The following HPSE2 variants were observed in gnomAD, a reference collection of about 807,000 sequenced individuals.
HPSE2 encodes inactive heparanase-2.
Under a neutral mutation model 60.5 loss-of-function variants are expected in HPSE2, and 38 were observed. That is an observed-to-expected ratio of 0.63 (90% CI 0.48 to 0.82). HPSE2 has a LOEUF of 0.82. Among genes scored for constraint, HPSE2 ranks in the 40% least tolerant of loss-of-function variants. The pLI, the probability that HPSE2 is intolerant of heterozygous loss-of-function variation, is 0.00. For synonymous variants in HPSE2, 295 were observed against 293.2 expected, an observed-to-expected ratio of 1.01 and a Z score of -0.06; for missense variants, 713 against 740.4, an observed-to-expected ratio of 0.96 and a Z score of 0.43.
At chr10:99,003,228 C>G (rs1389433866) in intron 3 of HPSE2, among the ~76,000 whole-genome samples, 1 of 151,814 alleles carries the variant, frequency 6.6e-6, no homozygotes, top group African/African-American at 2.4e-5. Flanking sequence ...GTGTATATAC[C>G]ACATTTTCTT....
At chr10:98,811,027 A>G (rs1197557915) in intron 3 of HPSE2, among the ~76,000 whole-genome samples, 1 of 152,104 alleles carries the variant, frequency 6.6e-6, no homozygotes, top group East Asian at 1.9e-4. Context: ...ATTACTGTAT[A>G]ACCCAGCCTT....
At chr10:98,966,450 G>T (rs1955816897) in intron 3 of HPSE2, among the ~76,000 whole-genome samples, 1 of 152,156 alleles carries the variant, frequency 6.6e-6, no homozygotes, top group Admixed American at 6.5e-5. Flanking sequence ...TACTATCAAA[G>T]TGCCATATTT....
intron 3 of HPSE2, among the ~76,000 whole-genome samples, chr10:98,805,840 T>A (rs905989509): frequency 2.0e-5 from 3 of 152,162 alleles, no homozygotes; most frequent in African/African-American, 4.8e-5. Flanking sequence ...AAGTATAGTG[T>A]AATTTATTTT....
At chr10:99,144,697 C>CT (rs1845984845) in intron 2 of HPSE2, among the ~76,000 whole-genome samples, 1 of 152,146 alleles carries the variant, frequency 6.6e-6, no homozygotes, top group Non-Finnish European at 1.5e-5. Context: ...TGTTTACCTC[C>CT]TGGGGCCTTT....
intron 3 of HPSE2, among the ~76,000 whole-genome samples, chr10:99,026,886 G>C (rs1030269455): frequency 6.6e-6 from 1 of 151,970 alleles, no homozygotes; most frequent in East Asian, 1.9e-4. Context: ...GGTCAGTAAA[G>C]AAATTAAGAA....
At chr10:98,526,168 G>C (rs954398424) in intron 9 of HPSE2, among the ~76,000 whole-genome samples, 1 of 152,204 alleles carries the variant, frequency 6.6e-6, no homozygotes, top group African/African-American at 2.4e-5. Context: ...AAGGACCTGG[G>C]TGTGGGCGGA....
chr10:98,732,307 A>AC (rs1488672024), intron 4 of HPSE2, among the ~76,000 whole-genome samples: 2 of 152,178 alleles, frequency 1.3e-5, no homozygotes, highest in Admixed American at 6.5e-5. Flanking sequence ...GGAAATTCAA[A>AC]CACCCAGGAT....
intron 4 of HPSE2, among the ~76,000 whole-genome samples, chr10:98,723,692 G>A (rs1179741154): frequency 6.6e-6 from 1 of 152,122 alleles, no homozygotes; most frequent in African/African-American, 2.4e-5. Flanking sequence ...TTTAGTCTTG[G>A]CAGAGTGTAT....
At chr10:99,263,659 ACTC>A in the HPSE2 span, among the ~76,000 whole-genome samples, 1 of 150,954 alleles carries the variant, frequency 6.6e-6, no homozygotes, top group Non-Finnish European at 1.5e-5. Context: ...CTCATTGGTC[ACTC>A]CTATTTACTC....
At chr10:98,679,508 T>C (rs1947730873) in intron 6 of HPSE2, among the ~76,000 whole-genome samples, 1 of 152,120 alleles carries the variant, frequency 6.6e-6, no homozygotes, top group Admixed American at 6.5e-5. Flanking sequence ...TATATGTATA[T>C]ATGTTTTCAA....
At chr10:98,759,686 T>C (rs1949962086) in intron 3 of HPSE2, among the ~76,000 whole-genome samples, 1 of 152,104 alleles carries the variant, frequency 6.6e-6, no homozygotes. Flanking sequence ...TCTCTTTTTA[T>C]TAGCTTAGCT....
intron 6 of HPSE2, among the ~76,000 whole-genome samples, chr10:98,672,553 A>C (rs1947533672): frequency 6.6e-6 from 1 of 152,218 alleles, no homozygotes; most frequent in Non-Finnish European, 1.5e-5. Context: ...TTCCAGTTTC[A>C]GTGCCATAAA....
chr10:98,503,945 C>A (rs1055101577), intron 9 of HPSE2, among the ~76,000 whole-genome samples: 7 of 152,114 alleles, frequency 4.6e-5, no homozygotes, highest in Non-Finnish European at 5.9e-5. Context: ...CAAAATCTTA[C>A]AAATCACCAC....
intron 3 of HPSE2, among the ~76,000 whole-genome samples, chr10:98,918,823 G>C (rs1227907956): frequency 6.6e-6 from 1 of 151,060 alleles, no homozygotes; most frequent in Non-Finnish European, 1.5e-5. Flanking sequence ...AAAACTTAAA[G>C]TATAATAATA....
chr10:98,510,199 T>C (rs530380236), intron 9 of HPSE2, among the ~76,000 whole-genome samples: 6 of 152,314 alleles, frequency 3.9e-5, no homozygotes, highest in African/African-American at 1.2e-4. Flanking sequence ...CTTCACTCAC[T>C]ATTTCTCAGG....
At chr10:98,480,519 C>T (rs982606135) in intron 11 of HPSE2, among the ~76,000 whole-genome samples, 4 of 152,030 alleles carry the variant, frequency 2.6e-5, no homozygotes, top group Non-Finnish European at 5.9e-5. Flanking sequence ...TATAGAAAGA[C>T]AGGGGTTAAG....
the HPSE2 span, among the ~76,000 whole-genome samples, chr10:99,274,008 C>T: frequency 1.3e-5 from 2 of 152,014 alleles, no homozygotes; most frequent in Non-Finnish European, 2.9e-5. Flanking sequence ...ATATAACTTC[C>T]CTGGTAACAT....
At position 98,580,456 on chromosome 10, in the gene HPSE2, T is replaced by C. The variant is rs117134284; in HGVS notation, c.1320+34448A>G. ...ATATTTTGTATCTTTTTGTTTTTCT[T>C]TATGTTCTGTATTTGGGGACTTTTC... is the stretch of plus-strand genomic sequence containing the variant. On this transcript the variant is annotated intron_variant, in intron 9 of 11. Coordinates refer to ENST00000370552, the MANE Select transcript of HPSE2 (RefSeq NM_021828.5). Among the ~76,000 whole-genome samples, 157 of 152,228 alleles carry C rather than the reference T, an allele frequency of 1.0e-3. 1 individual carries two copies. Among genetic ancestry groups the C allele is most frequent in the Non-Finnish European group, 1.8e-3 (125 of 68,010 alleles).
At chr10:98,921,586 A>C (rs1954283934) in intron 3 of HPSE2, among the ~76,000 whole-genome samples, 1 of 152,222 alleles carries the variant, frequency 6.6e-6, no homozygotes, top group African/African-American at 2.4e-5. Context: ...GTTCATGGTA[A>C]ATAAGAATCC....
Sources: gnomAD v4.1 joint callset for allele counts (sites outside exome capture counted in the v4.1 genomes callset) on GRCh38, gnomAD v4.1.1 for gene constraint, MANE v1.5 for transcripts, NCBI Gene and HGNC (gene_info 2026-07-23, HGNC 2026-07-21) for gene names.